ADAMTS2: variants seen among roughly 807,000 people sequenced by gnomAD.
The protein encoded by ADAMTS2 is ADAM metallopeptidase with thrombospondin type 1 motif 2, also known as A disintegrin and metalloproteinase with thrombospondin motifs 2.
A neutral mutation model predicts 123.0 loss-of-function variants in ADAMTS2; 50 were observed. The ratio of observed to expected loss-of-function variants is 0.41; its 90% CI spans 0.32 to 0.51. The LOEUF is 0.51. ADAMTS2 is among the 20% of genes least tolerant of loss of function. ADAMTS2 has a pLI of 0.35. For missense variants in ADAMTS2, 1,494 were observed against 1,705.2 expected (o/e 0.88, Z 2.18); for synonymous variants, 678 against 695.4 (o/e 0.98, Z 0.39).
chr5:179,187,573 C>T (rs1168579181), intron 4 of ADAMTS2, among the ~76,000 whole-genome samples: 3 of 152,142 alleles, frequency 2.0e-5, no homozygotes, highest in African/African-American at 7.2e-5. Flanking sequence ...CATGGGGAGG[C>T]CCCCAGCTAA....
Position 179,189,510 on chromosome 5 carries a change from G to GCT in ADAMTS2, c.892-8356_892-8355insAG, listed in dbSNP as rs1554128903. Among the ~76,000 whole-genome samples, 3,310 of 78,980 alleles carry GCT rather than the reference G, an allele frequency of 0.042. 983 individuals carry two copies. Among genetic ancestry groups the GCT allele is most frequent in the East Asian group, 0.089 (236 of 2,664 alleles). 51.8% of individuals were successfully genotyped at this position (78,980 alleles called of 152,430 possible). On this transcript the variant is annotated intron_variant, in intron 4 of 21. Coordinates refer to ENST00000251582, the MANE Select transcript of ADAMTS2 (RefSeq NM_014244.5). The surrounding 1 kb of genome is among the most constrained non-coding windows in gnomAD (Gnocchi z 4.2). ...CTACAGGCGCCCGCCAGTGCGCCTG[G>GCT]TTTTTTTTTTTTTTTTTTTTTTTTT...
intron 10 of ADAMTS2, among the ~76,000 whole-genome samples, chr5:179,140,259 G>A (rs1023063186): frequency 2.6e-5 from 4 of 152,164 alleles, no homozygotes; most frequent in East Asian, 1.9e-4. Context: ...CCTGCCTCCC[G>A]CTTGCTGACC....
intron 2 of ADAMTS2, among the ~76,000 whole-genome samples, chr5:179,296,191 G>A (rs1756324955): frequency 6.6e-6 from 1 of 152,188 alleles, no homozygotes; most frequent in Non-Finnish European, 1.5e-5. Flanking sequence ...TGGGACCTCA[G>A]CAGACGCTTT....
intron 3 of ADAMTS2, among the ~76,000 whole-genome samples, chr5:179,221,476 AC>A (rs1280646593): frequency 6.6e-6 from 1 of 152,116 alleles, no homozygotes; most frequent in Non-Finnish European, 1.5e-5. Flanking sequence ...GGCACCAAGC[AC>A]AGTCCATGTC....
At chr5:179,237,783 C>T (rs1018908574) in intron 3 of ADAMTS2, among the ~76,000 whole-genome samples, 1 of 152,188 alleles carries the variant, frequency 6.6e-6, no homozygotes, top group Admixed American at 6.5e-5. Context: ...CTTGGAGCAT[C>T]TGTGTCCTCT....
rs1763789152 is a variant in ADAMTS2 at position 179,170,327 on chromosome 5, C to G, written c.975+10745G>C. Among the ~76,000 whole-genome samples the G allele has an allele frequency of 6.6e-6, 1 of 152,096 alleles. No individual in the cohort carries two copies. Among genetic ancestry groups the G allele is most frequent in the Non-Finnish European group, 1.5e-5 (1 of 68,032 alleles). ...CACAATTTGGGATGAATAACAGGAA[C>G]CGAGTATCTGGGCCACTTTCTGCCC... On this transcript the variant is annotated intron_variant, in intron 5 of 21. Transcript: ENST00000251582. The surrounding 1 kb of genome is among the most constrained non-coding windows in gnomAD (Gnocchi z 4.3).
chr5:179,125,919 C>G, intron 18 of ADAMTS2, 79 bp downstream of exon 18: 4 of 1,589,470 alleles, frequency 2.5e-6, no homozygotes, highest in Non-Finnish European at 3.4e-6. Context: ...AGGCCCAGGC[C>G]CCACACCTCC....
intron 3 of ADAMTS2, among the ~76,000 whole-genome samples, chr5:179,248,851 G>C (rs1765859165): frequency 6.6e-6 from 1 of 152,078 alleles, no homozygotes; most frequent in South Asian, 2.1e-4. Context: ...TGATCAGTAA[G>C]AAAATAGAGG....
At chr5:179,320,229 C>T (rs372441636) in intron 2 of ADAMTS2, among the ~76,000 whole-genome samples, 159 of 152,364 alleles carry the variant, frequency 1.0e-3, no homozygotes, top group African/African-American at 3.5e-3. Flanking sequence ...CTCCCTCCTC[C>T]AGCCTTCCAG....
chr5:179,192,383 G>A (rs11748179), intron 4 of ADAMTS2, among the ~76,000 whole-genome samples: 6,382 of 152,310 alleles, frequency 0.042, 176 homozygotes, highest in East Asian at 0.081. Flanking sequence ...ATGTTCCAGC[G>A]CCTCTTGGGC....
Position 179,125,162 on chromosome 5 carries a change from C to A in ADAMTS2, c.2769G>T (p.Trp923Cys). The A allele has an allele frequency of 3.1e-6, 5 of 1,612,762 alleles. No homozygotes were observed. The highest frequency in any genetic ancestry group is 4.2e-6 in the Non-Finnish European group (5 of 1,179,916). The change falls in exon 19 of 22, where the codon TGG (tryptophan) becomes TGT (cysteine). Residue 923 changes from tryptophan to cysteine, a missense_variant. Trp to Cys is a radical substitution (Grantham distance 215). Coordinates refer to ENST00000251582, the MANE Select transcript of ADAMTS2 (RefSeq NM_014244.5). ...GCCCACAGGTCTGGCTACATGGCTC[C>A]CATTCGCCTGTGACCCACCTGCCAG... ...CSQPVWVTGE[W>C]EPCSQTCGRT...
Position 179,228,661 on chromosome 5 carries a change from C to T in ADAMTS2, c.689-20946G>A, listed in dbSNP as rs1292376297. ...CAGCCCCAGAACCCACCATGCGCGG[C>T]TGGGCCGACTGTGCCTGCCCTTAAG... On this transcript the variant is annotated intron_variant, in intron 3 of 21. Transcript: ENST00000251582. This position sits in a 1 kb window ranked among gnomAD's most constrained non-coding sequence, Gnocchi z 5.2. 6.6e-6 allele frequency among the ~76,000 whole-genome samples: 1 copy of T among 152,256 alleles called. No homozygotes were observed. Among genetic ancestry groups the T allele is most frequent in the Non-Finnish European group, 1.5e-5 (1 of 68,050 alleles).
chr5:179,175,882 A>G lies in ADAMTS2; in HGVS notation c.975+5190T>C, dbSNP rs1763918018. On this transcript the variant is annotated intron_variant, in intron 5 of 21. Coordinates refer to ENST00000251582, the MANE Select transcript of ADAMTS2 (RefSeq NM_014244.5). The surrounding 1 kb of genome is among the most constrained non-coding windows in gnomAD (Gnocchi z 4.1). The stretch of plus-strand genomic sequence containing the variant: ...GGGCAGTGCTCCCCAGAGCAGGTTC[A>G]GCAGGCTGCGGATCTGCTGAGCAAG... 6.6e-6 allele frequency among the ~76,000 whole-genome samples: 1 copy of G among 152,038 alleles called. No individual in the cohort carries two copies. Among genetic ancestry groups the G allele is most frequent in the Non-Finnish European group, 1.5e-5 (1 of 68,020 alleles).
At chr5:179,122,224 G>A (rs1365467724) in intron 20 of ADAMTS2, among the ~76,000 whole-genome samples, 1 of 152,182 alleles carries the variant, frequency 6.6e-6, no homozygotes, top group Non-Finnish European at 1.5e-5. Context: ...TGAACTGTGT[G>A]GAGACCTTAG....
chr5:179,262,259 C>A lies in ADAMTS2; in HGVS notation c.688+10652G>T, dbSNP rs1766249539. Among the ~76,000 whole-genome samples, 1 of 152,110 alleles carries A rather than the reference C, an allele frequency of 6.6e-6. No homozygotes were observed. The highest frequency in any genetic ancestry group is 2.1e-4 in the South Asian group (1 of 4,820). Reference sequence around the variant, plus strand: ...CGGCCAGCCTCAGGCCACCAGCCAGCCTCCCAGCCACGTGACCTCTCAGGG... The same window carrying A: ...CGGCCAGCCTCAGGCCACCAGCCAGACTCCCAGCCACGTGACCTCTCAGGG... On this transcript the variant is annotated intron_variant, in intron 3 of 21. Transcript: ENST00000251582. The surrounding 1 kb of genome is among the most constrained non-coding windows in gnomAD (Gnocchi z 5.9).
intron 3 of ADAMTS2, among the ~76,000 whole-genome samples, chr5:179,259,098 C>T (rs149934815): frequency 1.0e-3 from 159 of 152,262 alleles, no homozygotes; most frequent in African/African-American, 3.4e-3. Flanking sequence ...CCCTCCTCCA[C>T]GACGGAGCCC....
intron 3 of ADAMTS2, among the ~76,000 whole-genome samples, chr5:179,230,756 A>C (rs529588055): frequency 6.6e-6 from 1 of 152,320 alleles, no homozygotes; most frequent in African/African-American, 2.4e-5. Flanking sequence ...CATGCTTCTA[A>C]TCCCAGCACT....
At chr5:179,326,201 C>CGTGT (rs60626964) in intron 2 of ADAMTS2, among the ~76,000 whole-genome samples, 4,861 of 148,592 alleles carry the variant, frequency 0.033, 95 homozygotes, top group African/African-American at 0.048. Context: ...TTTGTGTGTG[C>CGTGT]GTGTGTGTGT....
chr5:179,220,124 G>A lies in ADAMTS2; in HGVS notation c.689-12409C>T, dbSNP rs1158802837. On this transcript the variant is annotated intron_variant, in intron 3 of 21. Coordinates refer to ENST00000251582, the MANE Select transcript of ADAMTS2 (RefSeq NM_014244.5). ...GCCTGGGTAATGTCACGGGGGCACC[G>A]CAGCACGCGGCAGCCAAGTGGTGGG... Among the ~76,000 whole-genome samples the A allele has an allele frequency of 2.6e-5, 4 of 152,254 alleles. 1 individual carries two copies. The highest frequency in any genetic ancestry group is 4.1e-4 in the South Asian group (2 of 4,836).
Sources: gnomAD v4.1 joint callset for allele counts (sites outside exome capture counted in the v4.1 genomes callset) on GRCh38, gnomAD v4.1.1 for gene constraint, Gnocchi (gnomAD v3.1) non-coding constraint, MANE v1.5 for transcripts, NCBI Gene and HGNC (gene_info 2026-07-23, HGNC 2026-07-21) for gene names.